The following AFAP1 variants were observed in gnomAD, a reference collection of about 807,000 sequenced individuals.
AFAP1 encodes actin filament-associated protein 1.
AFAP1 carries 75 observed loss-of-function variants against 93.9 expected under a neutral mutation model. The ratio of observed to expected loss-of-function variants is 0.80; its 90% CI spans 0.66 to 0.97. AFAP1 has a LOEUF of 0.97. Among genes scored for constraint, AFAP1 ranks in the 50% least tolerant of loss-of-function variants. The pLI is 0.00. For missense variants in AFAP1, 1,201 were observed against 1,050.8 expected, an observed-to-expected ratio of 1.14 and a Z score of -1.98; for synonymous variants, 517 against 430.7, an observed-to-expected ratio of 1.20 and a Z score of -2.48.
chr4:7,807,436 G>C (rs989788078), intron 9 of AFAP1, among the ~76,000 whole-genome samples: 13 of 152,194 alleles, frequency 8.5e-5, no homozygotes, highest in African/African-American at 3.1e-4. Context: ...TGCTACAGCT[G>C]TTTCCTCTGA....
chr4:7,784,750 C>T (rs1717110303), intron 12 of AFAP1, among the ~76,000 whole-genome samples: 1 of 152,140 alleles, frequency 6.6e-6, no homozygotes, highest in Non-Finnish European at 1.5e-5. Context: ...CGACCCCGGC[C>T]ACTAGAACCT....
chr4:7,802,606 AT>A (rs1280127182), intron 9 of AFAP1, among the ~76,000 whole-genome samples: 1 of 148,074 alleles, frequency 6.8e-6, no homozygotes, highest in East Asian at 2.0e-4. Context: ...GCAAAATGCT[AT>A]TTGTAAATGA....
chr4:7,814,414 C>T (rs1720295695), intron 8 of AFAP1, among the ~76,000 whole-genome samples: 1 of 152,166 alleles, frequency 6.6e-6, no homozygotes, highest in Non-Finnish European at 1.5e-5. Flanking sequence ...CAATCCACTC[C>T]TAGGTATTTA....
At chr4:7,766,403 C>T (rs916697411) in intron 17 of AFAP1, among the ~76,000 whole-genome samples, 1 of 152,156 alleles carries the variant, frequency 6.6e-6, no homozygotes, top group East Asian at 1.9e-4. Flanking sequence ...ATGTTACCTC[C>T]GCGTGGTGCC....
chr4:7,769,667 C>T (rs1364322385), intron 16 of AFAP1, among the ~76,000 whole-genome samples: 1 of 152,196 alleles, frequency 6.6e-6, no homozygotes, highest in Non-Finnish European at 1.5e-5. Flanking sequence ...ACGCCACAGT[C>T]TGCTGAGCCT....
At chr4:7,861,879 A>T (rs80024786) in intron 3 of AFAP1, 5 of 152,374 alleles carry the variant, frequency 3.3e-5, no homozygotes, top group African/African-American at 1.2e-4. Flanking sequence ...CGTGGGCTTT[A>T]GCCCCAGCTC....
chr4:7,881,864 T>C (rs1717868575), intron 1 of AFAP1, among the ~76,000 whole-genome samples: 2 of 152,134 alleles, frequency 1.3e-5, no homozygotes, highest in Admixed American at 6.5e-5. Context: ...TTCTTCCTAG[T>C]TGTGTGACCT....
At chr4:7,857,047 A>T (rs903370377) in intron 3 of AFAP1, among the ~76,000 whole-genome samples, 4 of 152,158 alleles carry the variant, frequency 2.6e-5, no homozygotes, top group African/African-American at 9.7e-5. Context: ...GACCTTTTTA[A>T]TATTCATATT....
intron 1 of AFAP1, among the ~76,000 whole-genome samples, chr4:7,926,848 G>A (rs1720798572): frequency 6.6e-6 from 1 of 152,054 alleles, no homozygotes; most frequent in Non-Finnish European, 1.5e-5. Flanking sequence ...CGATTCTCCC[G>A]CCTCAGCCTC....
At chr4:7,797,537 C>A (rs138374488) in intron 10 of AFAP1, among the ~76,000 whole-genome samples, 57 of 152,340 alleles carry the variant, frequency 3.7e-4, no homozygotes, top group African/African-American at 1.3e-3. Flanking sequence ...GCGCCCAAAC[C>A]TGGGAGCCTT....
intron 6 of AFAP1, among the ~76,000 whole-genome samples, chr4:7,834,874 C>A (rs1237683681): frequency 2.0e-5 from 3 of 152,072 alleles, no homozygotes; most frequent in African/African-American, 7.2e-5. Flanking sequence ...CTGCGGGTGG[C>A]CTTAAGGTTA....
intron 1 of AFAP1, among the ~76,000 whole-genome samples, chr4:7,895,912 G>GC (rs1718738940): frequency 6.9e-6 from 1 of 144,838 alleles, no homozygotes; most frequent in Admixed American, 7.1e-5. Flanking sequence ...AGGCTGGAGT[G>GC]CAGTGGCGCG....
In AFAP1 at chr4:7,760,158, C is replaced by A. The variant is rs1713579870; in HGVS notation, c.*3607G>T. ...CCATAATGACAATGAACCTCAAACT[C>A]CTTCCTGGGGGTGGCCTCCAGAGCT... On this transcript the variant is annotated 3_prime_UTR_variant, in exon 18 of 18. Transcript: ENST00000420658. 1 of 152,242 alleles carries A rather than the reference C, an allele frequency of 6.6e-6. No homozygotes were observed. Among genetic ancestry groups the A allele is most frequent in the Non-Finnish European group, 1.5e-5 (1 of 68,030 alleles). The allele number at this position is 152,242 out of a possible 1,614,324, so 9.4% of individuals were successfully genotyped here.
At chr4:7,919,231 CAACAA>C (rs1720301600) in intron 1 of AFAP1, among the ~76,000 whole-genome samples, 1 of 152,288 alleles carries the variant, frequency 6.6e-6, no homozygotes, top group African/African-American at 2.4e-5. Context: ...GCAACAACAT[CAACAA>C]AACAAAAAAT....
At chr4:7,918,655 C>T (rs1720239010) in intron 1 of AFAP1, among the ~76,000 whole-genome samples, 1 of 146,744 alleles carries the variant, frequency 6.8e-6, no homozygotes. Flanking sequence ...AGACACTCGG[C>T]CCAGGTCACC....
intron 1 of AFAP1, among the ~76,000 whole-genome samples, chr4:7,903,811 G>C (rs1719250369): frequency 6.6e-6 from 1 of 152,068 alleles, no homozygotes; most frequent in Non-Finnish European, 1.5e-5. Flanking sequence ...CTCACAAATG[G>C]AAAAAAAGGA....
chr4:7,774,873 C>T lies in AFAP1; in HGVS notation c.1928G>A (p.Arg643Gln), dbSNP rs776841277. 6.8e-6 allele frequency: 11 copies of T among 1,614,014 alleles called. No individual in the cohort carries two copies. The highest frequency in any genetic ancestry group is 5.5e-5 in the South Asian group (5 of 91,080). Residue 643 changes from arginine to glutamine, a missense_variant, in exon 15 of 18, where the codon CGG (arginine) becomes CAG (glutamine). Physicochemically the swap from Arg to Gln is conservative, Grantham distance 43. Transcript: ENST00000420658. ...NAAQYKYGKN[R>Q]VEADAKRLQT... is the part of the protein sequence containing the mutation. ...TAGCCGCTTGGCATCTGCTTCTACC[C>T]GGTTCTTGCCATACTTGTACTGGGC...
At chr4:7,871,664 C>T (rs945025981) in intron 2 of AFAP1, among the ~76,000 whole-genome samples, 1 of 152,166 alleles carries the variant, frequency 6.6e-6, no homozygotes, top group Non-Finnish European at 1.5e-5. Context: ...GGAAGAACAA[C>T]CTGATGCCAA....
chr4:7,838,011 T>G (rs1712517865), intron 6 of AFAP1, among the ~76,000 whole-genome samples: 1 of 152,180 alleles, frequency 6.6e-6, no homozygotes, highest in African/African-American at 2.4e-5. Flanking sequence ...CAAGCCTTGT[T>G]TCAACAAACA....
Sources: gnomAD v4.1 joint callset for allele counts (sites outside exome capture counted in the v4.1 genomes callset) on GRCh38, gnomAD v4.1.1 for gene constraint, MANE v1.5 for transcripts, NCBI Gene and HGNC (gene_info 2026-07-23, HGNC 2026-07-21) for gene names.